Variants in LAMP5 observed in about 807,000 individuals in gnomAD.
The protein encoded by LAMP5 is lysosome associated membrane protein 5.
In LAMP5, 36 loss-of-function variants were observed where a neutral mutation model predicts 30.2. That is an observed-to-expected ratio of 1.19 (90% CI 0.91 to 1.57). The LOEUF (loss-of-function observed/expected upper bound fraction) is 1.57, where lower values mean the gene tolerates loss of function less well. Among genes scored for constraint, LAMP5 ranks in the 40% most tolerant of loss-of-function variants. The probability of loss-of-function intolerance (pLI) is 0.00; values close to 1 mark genes in which losing one functional copy is unlikely to be tolerated. For synonymous variants in LAMP5, 149 were observed against 134.6 expected, an observed-to-expected ratio of 1.11 and a Z score of -0.74; for missense variants, 377 against 354.9, an observed-to-expected ratio of 1.06 and a Z score of -0.50.
At chr20:9,516,405 G>T (rs748322971) in intron 4 of LAMP5, 44 bp downstream of exon 4, 15 of 1,476,562 alleles carry the variant, frequency 1.0e-5, no homozygotes, top group African/African-American at 4.1e-5. Flanking sequence ...CTGGGAACTC[G>T]CAGAACAGGC....
At chr20:9,522,490 C>A (rs2045085576) in intron 5 of LAMP5, among the ~76,000 whole-genome samples, 1 of 152,152 alleles carries the variant, frequency 6.6e-6, no homozygotes, top group African/African-American at 2.4e-5. Flanking sequence ...GAGTAAGCAG[C>A]CAACGGTAAA....
chr20:9,525,525 C>A (rs971488919), intron 5 of LAMP5, among the ~76,000 whole-genome samples: 5 of 152,208 alleles, frequency 3.3e-5, no homozygotes, highest in Admixed American at 6.5e-5. Context: ...CTTTCTCTCA[C>A]AATGTTCCAT....
intron 5 of LAMP5, among the ~76,000 whole-genome samples, chr20:9,526,391 C>A (rs1019811512): frequency 6.6e-6 from 1 of 152,224 alleles, no homozygotes; most frequent in Admixed American, 6.5e-5. Flanking sequence ...ATTACATGGG[C>A]AACAGAGTGT....
chr20:9,528,824 T>C (rs2045131299), intron 5 of LAMP5, among the ~76,000 whole-genome samples: 1 of 152,222 alleles, frequency 6.6e-6, no homozygotes, highest in Admixed American at 6.5e-5. Context: ...GCTCTTGAAC[T>C]TCATATAAAT....
At chr20:9,515,054 G>A in intron 1 of LAMP5, 138 bp downstream of exon 1, 1 of 804,350 alleles carries the variant, frequency 1.2e-6, no homozygotes, top group Non-Finnish European at 2.0e-6. Context: ...TTTTCTTTTA[G>A]GGGAGGAGGG....
chr20:9,521,023 C>T (rs2045076438), intron 5 of LAMP5, among the ~76,000 whole-genome samples: 1 of 152,166 alleles, frequency 6.6e-6, no homozygotes, highest in Non-Finnish European at 1.5e-5. Flanking sequence ...TCAGGTGACA[C>T]TGCTGGCCCA....
At chr20:9,519,705 T>C (rs1476188184) in intron 5 of LAMP5, among the ~76,000 whole-genome samples, 1 of 152,242 alleles carries the variant, frequency 6.6e-6, no homozygotes, top group African/African-American at 2.4e-5. Context: ...AATTGGACTA[T>C]GTAATGTCAG....
chr20:9,524,439 A>C (rs1048806368), intron 5 of LAMP5, among the ~76,000 whole-genome samples: 1 of 151,556 alleles, frequency 6.6e-6, no homozygotes. Flanking sequence ...AGTTCTCTGC[A>C]TGTACATATG....
chr20:9,518,367 T>G, intron 5 of LAMP5, 139 bp downstream of exon 5: 1 of 698,004 alleles, frequency 1.4e-6, no homozygotes, highest in South Asian at 1.9e-5. Context: ...TTTAATAATT[T>G]TCAAAGACTA....
At chr20:9,527,708 G>A (rs1283739174) in intron 5 of LAMP5, among the ~76,000 whole-genome samples, 8 of 152,208 alleles carry the variant, frequency 5.3e-5, no homozygotes, top group Non-Finnish European at 1.2e-4. Context: ...AAATGAGCCT[G>A]TTCTAGTTTC....
intron 5 of LAMP5, among the ~76,000 whole-genome samples, chr20:9,523,434 C>G (rs1372187377): frequency 1.3e-5 from 2 of 152,082 alleles, no homozygotes; most frequent in Non-Finnish European, 2.9e-5. Context: ...TGTAGTTTAT[C>G]TCAGGGAGTC....
At chr20:9,527,343 G>T (rs2045121241) in intron 5 of LAMP5, among the ~76,000 whole-genome samples, 1 of 152,120 alleles carries the variant, frequency 6.6e-6, no homozygotes, top group South Asian at 2.1e-4. Context: ...ACCTCAGAGG[G>T]TTGTTAACCA....
At chr20:9,515,323 C>T (rs1031521671) in intron 1 of LAMP5, 130 bp from the exon 2 acceptor site, 34 of 748,272 alleles carry the variant, frequency 4.5e-5, no homozygotes, top group African/African-American at 3.7e-4. Flanking sequence ...AGAAACGGCT[C>T]GTAGAGCGCA....
At chr20:9,526,651 A>G (rs2122846969) in intron 5 of LAMP5, among the ~76,000 whole-genome samples, 1 of 152,166 alleles carries the variant, frequency 6.6e-6, no homozygotes, top group East Asian at 1.9e-4. Context: ...ATTAGAATGG[A>G]ATCAAATAGT....
chr20:9,524,589 T>A (rs1603173323), intron 5 of LAMP5, among the ~76,000 whole-genome samples: 5 of 83,524 alleles, frequency 6.0e-5, no homozygotes, highest in Admixed American at 1.6e-4. Context: ...AAAACCCAGA[T>A]CGAACTAAAA....
chr20:9,520,235 G>T (rs935101502), intron 5 of LAMP5, among the ~76,000 whole-genome samples: 1 of 152,218 alleles, frequency 6.6e-6, no homozygotes, highest in Non-Finnish European at 1.5e-5. Context: ...GGTGTCCCCA[G>T]GCTTACGCCT....
chr20:9,515,488 G>GA lies in LAMP5; in HGVS notation c.104dup (p.Asn35LysfsTer8). 3 of 1,614,148 alleles carry GA rather than the reference G, an allele frequency of 1.9e-6. No homozygotes were observed. Among genetic ancestry groups the GA allele is most frequent in the Non-Finnish European group, 2.5e-6 (3 of 1,180,012 alleles). On this transcript the variant is annotated frameshift_variant, in exon 2 of 6. Transcript: ENST00000246070. LOFTEE classifies it high-confidence loss of function. ...TCAAATCATGGCAGAACAAGAAGTG[G>GA]AAAATCTCTCAGGCCTTTCCACTAA...
intron 5 of LAMP5, among the ~76,000 whole-genome samples, chr20:9,527,390 G>T (rs578171267): frequency 6.6e-6 from 1 of 152,152 alleles, no homozygotes; most frequent in South Asian, 2.1e-4. Flanking sequence ...GTTAATTTAG[G>T]GACTAAGAAT....
Position 9,514,661 on chromosome 20 carries a change from G to C in LAMP5, c.-192G>C, listed in dbSNP as rs2122824989. On this transcript the variant is annotated 5_prime_UTR_variant, in exon 1 of 6. Transcript: ENST00000246070. ...CCTCCGCAGTGAGCCGATTTGCTCT[G>C]CCAGCAGCTGTCGGTGCCGCGCTCG... 1 of 537,464 alleles carries C rather than the reference G, an allele frequency of 1.9e-6. No homozygotes were observed. Among genetic ancestry groups the C allele is most frequent in the Non-Finnish European group, 3.4e-6 (1 of 297,674 alleles). The allele number at this position is 537,464 out of a possible 1,614,324, so 33.3% of individuals were successfully genotyped here.
Sources: allele counts gnomAD v4.1 joint callset (sites outside exome capture counted in the v4.1 genomes callset), GRCh38; gene constraint gnomAD v4.1.1; transcripts MANE v1.5; gene names NCBI Gene and HGNC (gene_info 2026-07-23, HGNC 2026-07-21).